POGZ: variants seen among roughly 807,000 people sequenced by gnomAD.
The protein encoded by POGZ is pogo transposable element with ZNF domain.
Under a neutral mutation model 134.6 loss-of-function variants are expected in POGZ, and 17 were observed. The observed-to-expected ratio is 0.13, with a 90% CI of 0.09 to 0.19. The LOEUF (loss-of-function observed/expected upper bound fraction) is 0.19. Among genes scored for constraint, POGZ ranks in the 10% least tolerant of loss-of-function variants. The pLI, the probability that POGZ is intolerant of heterozygous loss-of-function variation, is 1.00. For synonymous variants in POGZ, 693 were observed against 657.1 expected (o/e 1.05, Z -0.84); for missense variants, 1,306 against 1,769.7 (o/e 0.74, Z 4.70).
chr1:151,440,508 T>G (rs758926796), intron 3 of POGZ, among the ~76,000 whole-genome samples: 2 of 152,144 alleles, frequency 1.3e-5, no homozygotes, highest in Non-Finnish European at 2.9e-5. Context: ...CCCTATCCTA[T>G]CTTCCATACT....
chr1:151,431,090 G>A (rs1344721263), intron 3 of POGZ, among the ~76,000 whole-genome samples: 1 of 151,956 alleles, frequency 6.6e-6, no homozygotes, highest in African/African-American at 2.4e-5. Context: ...ATTAGAAACA[G>A]AAATGGTGTC....
At chr1:151,422,613 T>TG (rs1443923970) in intron 10 of POGZ, among the ~76,000 whole-genome samples, 2 of 151,982 alleles carry the variant, frequency 1.3e-5, no homozygotes, top group East Asian at 1.9e-4. Flanking sequence ...TTTTTGGAGA[T>TG]GGAGTTTTGC....
chr1:151,403,474 C>T lies in POGZ; in HGVS notation c.*1328G>A. 7.1e-6 allele frequency: 7 copies of T among 985,842 alleles called. No individual in the cohort carries two copies. Among genetic ancestry groups the T allele is most frequent in the Non-Finnish European group, 8.4e-6 (7 of 829,942 alleles). 61.1% of individuals were successfully genotyped at this position (985,842 alleles called of 1,614,324 possible). On this transcript the variant is annotated 3_prime_UTR_variant, in exon 19 of 19. Transcript: ENST00000271715. Reference sequence around the variant, plus strand: ...AGGAGGGGAACATTGTGGAAAGCCTCAGGATAAACAGAAGACTTGGTTTTT... The same window carrying T: ...AGGAGGGGAACATTGTGGAAAGCCTTAGGATAAACAGAAGACTTGGTTTTT...
At chr1:151,442,245 T>C (rs1488245938) in intron 1 of POGZ, 40 bp from the exon 2 acceptor site, 3 of 1,582,710 alleles carry the variant, frequency 1.9e-6, no homozygotes, top group South Asian at 1.1e-5. Context: ...GGCCTAAGAA[T>C]AGGAGATATT....
In POGZ at chr1:151,430,777, A is replaced by T. The variant is rs1658549915; in HGVS notation, c.348T>A (p.Gly116=). ...CTGGTTGAGTAACCATTGTGCCCAG[A>T]CCTGGGGCTGGATTCTGGGTCAGGA... is the stretch of plus-strand genomic sequence containing the variant. ...PLILTQNPAP[G]LGTMVTQPVL... is the part of the protein sequence containing the mutation. Residue 116 remains glycine (G), a synonymous_variant, in exon 4 of 19, where the codon GGT becomes GGA. Coordinates refer to ENST00000271715, the MANE Select transcript of POGZ (RefSeq NM_015100.4). 3 of 1,598,718 alleles carry T rather than the reference A, an allele frequency of 1.9e-6. No homozygotes were observed. The South Asian group carries it at 3.3e-5, about 18-fold the overall frequency.
chr1:151,425,192 G>A (rs998185923), intron 7 of POGZ, 131 bp from the exon 8 acceptor site: 7 of 588,680 alleles, frequency 1.2e-5, no homozygotes, highest in African/African-American at 1.9e-5. Flanking sequence ...AGATCACTAT[G>A]GTTTTTGTTT....
intron 3 of POGZ, among the ~76,000 whole-genome samples, chr1:151,435,222 A>C (rs1454292287): frequency 6.6e-6 from 1 of 152,142 alleles, no homozygotes; most frequent in Non-Finnish European, 1.5e-5. Context: ...TTTTAAGTTT[A>C]CTTCCATACC....
chr1:151,440,877 T>G (rs775005734), intron 3 of POGZ, 51 bp downstream of exon 3: 1 of 1,534,510 alleles, frequency 6.5e-7, no homozygotes, highest in Admixed American at 1.7e-5. Context: ...ACCTTTTTTA[T>G]TCTTTCACCC....
chr1:151,417,699 C>CACACACACAA (rs1406331775), intron 10 of POGZ, among the ~76,000 whole-genome samples: 2 of 127,892 alleles, frequency 1.6e-5, no homozygotes, highest in African/African-American at 6.7e-5. Context: ...CACACACACA[C>CACACACACAA]ACACACACAC....
chr1:151,433,144 T>C (rs539523126), intron 3 of POGZ, among the ~76,000 whole-genome samples: 1 of 152,180 alleles, frequency 6.6e-6, no homozygotes, highest in Non-Finnish European at 1.5e-5. Context: ...AAGGGAAAGA[T>C]GGAGGCTTTT....
At chr1:151,417,431 G>C (rs1655948414) in intron 10 of POGZ, among the ~76,000 whole-genome samples, 1 of 150,850 alleles carries the variant, frequency 6.6e-6, no homozygotes, top group African/African-American at 2.4e-5. Context: ...TGTGATCTCA[G>C]CTTACTGCAA....
intron 12 of POGZ, among the ~76,000 whole-genome samples, chr1:151,409,121 G>T (rs972313515): frequency 6.6e-6 from 1 of 152,094 alleles, no homozygotes; most frequent in Admixed American, 6.5e-5. Flanking sequence ...ACCTTTATTT[G>T]TATTATATCT....
chr1:151,412,415 T>A lies in POGZ; in HGVS notation c.1679-19A>T. 2 of 1,354,830 alleles carry A rather than the reference T, an allele frequency of 1.5e-6. No homozygotes were observed. Among genetic ancestry groups the A allele is most frequent in the Non-Finnish European group, 2.1e-6 (2 of 949,336 alleles). 83.9% of individuals were successfully genotyped at this position (1,354,830 alleles called of 1,614,324 possible). A position where few individuals can be genotyped will look rare whatever the true frequency, so the allele number is the denominator to read the frequency against. On this transcript the variant is annotated intron_variant, in intron 10 of 18. Transcript: ENST00000271715. ...CACTTGGCTGTAAGAAGAAAAGTAATCAATAAATCCACTTGAAAATAAGAC... is the reference window on the plus strand; with the variant it reads ...CACTTGGCTGTAAGAAGAAAAGTAAACAATAAATCCACTTGAAAATAAGAC...
At chr1:151,406,846 A>G (rs1032512823) in intron 17 of POGZ, 65 bp downstream of exon 17, 2 of 1,249,502 alleles carry the variant, frequency 1.6e-6, no homozygotes, top group Admixed American at 1.7e-5. Context: ...CTCCTGATGC[A>G]TACAGTACGA....
At chr1:151,428,673 C>A (rs909201265) in intron 5 of POGZ, among the ~76,000 whole-genome samples, 6 of 152,122 alleles carry the variant, frequency 3.9e-5, no homozygotes, top group Non-Finnish European at 7.4e-5. Flanking sequence ...CTTTTTAATT[C>A]TAAGAATACA....
At chr1:151,441,178 GTCTCT>G in intron 2 of POGZ, 92 bp from the exon 3 acceptor site, 1 of 1,058,286 alleles carries the variant, frequency 9.4e-7, no homozygotes, top group Admixed American at 2.8e-5. Context: ...CTTATTGTGG[GTCTCT>G]ATAGCCAAAA....
intron 1 of POGZ, among the ~76,000 whole-genome samples, chr1:151,443,286 G>C (rs552231459): frequency 1.8e-4 from 28 of 152,230 alleles, no homozygotes; most frequent in Admixed American, 1.8e-3. Context: ...TCATACTCTA[G>C]TCCCAGTCCT....
rs1653124064 is a variant in POGZ at position 151,403,868 on chromosome 1, G to A, written c.*934C>T. ...CAGTAAAGCAGGGACTGCCCCTGGG[G>A]GCTTACAGGATGAAGACTCAAACTG... On this transcript the variant is annotated 3_prime_UTR_variant, in exon 19 of 19. Transcript: ENST00000271715. 1 of 985,324 alleles carries A rather than the reference G, an allele frequency of 1.0e-6. No individual in the cohort carries two copies. The highest frequency in any genetic ancestry group is 6.1e-5 in the Admixed American group (1 of 16,264). The allele number at this position is 985,324 out of a possible 1,614,324, so 61.0% of individuals were successfully genotyped here.
chr1:151,420,552 C>T (rs1416792574), intron 10 of POGZ, among the ~76,000 whole-genome samples: 3 of 152,140 alleles, frequency 2.0e-5, no homozygotes, highest in African/African-American at 7.2e-5. Flanking sequence ...TAAGCTCAAT[C>T]TGCCTGCCTC....
Sources: gnomAD v4.1 joint callset for allele counts (sites outside exome capture counted in the v4.1 genomes callset) on GRCh38, gnomAD v4.1.1 for gene constraint, MANE v1.5 for transcripts, NCBI Gene and HGNC (gene_info 2026-07-23, HGNC 2026-07-21) for gene names.